The following RIN3 variants were observed in gnomAD, a reference collection of about 807,000 sequenced individuals.
RIN3 encodes the protein Ras and Rab interactor 3.
In RIN3, 54 loss-of-function variants were observed where a neutral mutation model predicts 76.3. That is an observed-to-expected ratio of 0.71 (90% CI 0.57 to 0.89). The LOEUF is 0.89. Among genes scored for constraint, RIN3 ranks in the 40% least tolerant of loss-of-function variants. The pLI is 0.00. For missense variants in RIN3, 1,256 were observed against 1,322.1 expected, an observed-to-expected ratio of 0.95 and a Z score of 0.78; for synonymous variants, 576 against 564.0, an observed-to-expected ratio of 1.02 and a Z score of -0.30.
At chr14:92,599,717 G>A (rs755502344) in intron 3 of RIN3, among the ~76,000 whole-genome samples, 4 of 152,142 alleles carry the variant, frequency 2.6e-5, no homozygotes, top group Non-Finnish European at 4.4e-5. Flanking sequence ...GGCAGCTGGA[G>A]CGGTGAGATG....
intron 6 of RIN3, among the ~76,000 whole-genome samples, chr14:92,655,962 A>T (rs2140146982): frequency 6.6e-6 from 1 of 152,286 alleles, no homozygotes; most frequent in South Asian, 2.1e-4. Context: ...TCTGGGGCTA[A>T]AGAGAGATGT....
At chr14:92,515,526 T>C (rs1896417301) in intron 1 of RIN3, 1 of 464,030 alleles carries the variant, frequency 2.2e-6, no homozygotes, top group African/African-American at 2.0e-5. Flanking sequence ...CCCTTAGAGT[T>C]GTTTTGAGGA....
chr14:92,663,537 C>T (rs1408416394), intron 7 of RIN3, among the ~76,000 whole-genome samples: 1 of 152,150 alleles, frequency 6.6e-6, no homozygotes, highest in Non-Finnish European at 1.5e-5. Context: ...CCCCAGAAAC[C>T]AGTGGGTTTC....
At chr14:92,613,047 T>A (rs549699028) in intron 3 of RIN3, among the ~76,000 whole-genome samples, 22 of 152,358 alleles carry the variant, frequency 1.4e-4, no homozygotes, top group African/African-American at 4.3e-4. Context: ...CGTGCCTCAA[T>A]GGGAAGGAAA....
chr14:92,589,528 G>A (rs1367482239), intron 3 of RIN3, among the ~76,000 whole-genome samples: 3 of 152,070 alleles, frequency 2.0e-5, no homozygotes, highest in Non-Finnish European at 4.4e-5. Flanking sequence ...TGAGAGGGTG[G>A]GCTTTGGAAC....
intron 3 of RIN3, among the ~76,000 whole-genome samples, chr14:92,586,266 T>G (rs931485751): frequency 1.3e-5 from 2 of 152,230 alleles, no homozygotes. Flanking sequence ...TACTAGCAGC[T>G]ATAATTAGCT....
intron 4 of RIN3, among the ~76,000 whole-genome samples, chr14:92,631,712 C>T (rs1044322852): frequency 1.3e-5 from 2 of 152,008 alleles, no homozygotes; most frequent in Non-Finnish European, 2.9e-5. Flanking sequence ...GCGATTCTCC[C>T]GCCTCAGCCT....
At chr14:92,686,309 C>T (rs1888856283) in intron 9 of RIN3, 1 of 152,290 alleles carries the variant, frequency 6.6e-6, no homozygotes, top group Non-Finnish European at 1.5e-5. Context: ...CCTGCCCACA[C>T]AGGCTGACTA....
At chr14:92,674,889 CAA>C (rs34494858) in intron 7 of RIN3, among the ~76,000 whole-genome samples, 20 of 118,490 alleles carry the variant, frequency 1.7e-4, no homozygotes, top group East Asian at 7.5e-4. Context: ...AACTCTGTCT[CAA>C]AAAAAAAAAA....
chr14:92,686,473 C>T (rs1365363783), intron 9 of RIN3: 1 of 152,268 alleles, frequency 6.6e-6, no homozygotes, highest in African/African-American at 2.4e-5. Flanking sequence ...GTCGGCTCTC[C>T]CTGGCGGGTG....
chr14:92,650,263 G>A (rs768428471), intron 5 of RIN3, among the ~76,000 whole-genome samples: 2 of 152,170 alleles, frequency 1.3e-5, no homozygotes, highest in Non-Finnish European at 2.9e-5. Flanking sequence ...GAACCAGCCC[G>A]ACCTGGTCAA....
rs762605015 is a variant in RIN3, at chr14:92,652,451, C to T, written c.1402C>T (p.Arg468Ter). ...VPPPRKKRIS[R>*]QLASTLPAPL... ...GCCCCCCAGGAAAAAACGGATCTCTCGACAACTGGCCTCGACCCTCCCAGC... is the reference window on the plus strand; with the variant it reads ...GCCCCCCAGGAAAAAACGGATCTCTTGACAACTGGCCTCGACCCTCCCAGC... The change falls in exon 6 of 10, where the codon CGA (arginine) becomes TGA (stop). Residue 468 changes from arginine to a stop codon, truncating the protein, a stop_gained. Coordinates refer to ENST00000216487, the MANE Select transcript of RIN3 (RefSeq NM_024832.5). LOFTEE classifies it high-confidence loss of function. The surrounding 1 kb of genome is among the most constrained non-coding windows in gnomAD (Gnocchi z 6.4). 3 of 1,613,964 alleles carry T rather than the reference C, an allele frequency of 1.9e-6. No homozygotes were observed. Among genetic ancestry groups the T allele is most frequent in the Admixed American group, 3.3e-5 (2 of 60,000 alleles).
chr14:92,578,562 A>C (rs1898331826), intron 3 of RIN3, among the ~76,000 whole-genome samples: 2 of 152,326 alleles, frequency 1.3e-5, no homozygotes, highest in Non-Finnish European at 2.9e-5. Context: ...CAGGAGATGG[A>C]GTTTTATTAT....
intron 2 of RIN3, among the ~76,000 whole-genome samples, chr14:92,575,645 G>A (rs143219057): frequency 0.024 from 3,720 of 151,996 alleles, 180 homozygotes; most frequent in African/African-American, 0.084. Flanking sequence ...CTGTCATGGC[G>A]CTGGTGGGAG....
At chr14:92,683,177 A>G (rs79635465) in intron 8 of RIN3, among the ~76,000 whole-genome samples, 1 of 151,560 alleles carries the variant, frequency 6.6e-6, no homozygotes, top group Non-Finnish European at 1.5e-5. Flanking sequence ...AAAAAAAAAA[A>G]GAAGAAAAAA....
In RIN3 at chr14:92,641,400, G is replaced by A. The variant is rs543605106; in HGVS notation, c.532+71G>A. 51 of 1,175,612 alleles carry A rather than the reference G, an allele frequency of 4.3e-5. No individual in the cohort carries two copies. In the East Asian group the frequency reaches 6.4e-4, roughly 15 times the overall value. The allele number at this position is 1,175,612 out of a possible 1,614,324, so 72.8% of individuals were successfully genotyped here. A position where few individuals can be genotyped will look rare whatever the true frequency, so the allele number is the denominator to read the frequency against. The stretch of plus-strand genomic sequence containing the variant: ...ACTGGGGCCCTAGGACTGCCCCAGG[G>A]GCCGCCTGTGCAGAGGGACAGCCTG... On this transcript the variant is annotated intron_variant, in intron 5 of 9. Coordinates refer to ENST00000216487, the MANE Select transcript of RIN3 (RefSeq NM_024832.5).
intron 7 of RIN3, among the ~76,000 whole-genome samples, chr14:92,662,084 G>C (rs1003003598): frequency 9.2e-5 from 14 of 152,382 alleles, no homozygotes; most frequent in Middle Eastern, 3.4e-3. Flanking sequence ...AGCCCCAGAG[G>C]GCTGGGACCC....
Position 92,577,467 on chromosome 14 carries a change from A to G in RIN3, c.357A>G (p.Glu119=), listed in dbSNP as rs1474674186. 9 of 1,608,036 alleles carry G rather than the reference A, an allele frequency of 5.6e-6. No individual in the cohort carries two copies. The highest frequency in any genetic ancestry group is 6.8e-6 in the Non-Finnish European group (8 of 1,174,998). ...AGGTGCTCGAATACACCATTAAGGA[A>G]GAAAAGTCGAGTAAGTACCCATCTT... ...SAEVLEYTIK[E]EKSILYLEGS... The change falls in exon 3 of 10, where the codon GAA becomes GAG. Residue 119 remains glutamate (E), a synonymous_variant. Transcript: ENST00000216487.
intron 3 of RIN3, among the ~76,000 whole-genome samples, chr14:92,597,142 G>A (rs534331489): frequency 7.4e-5 from 11 of 147,750 alleles, no homozygotes; most frequent in African/African-American, 2.7e-4. Context: ...ATGTGTGTGT[G>A]GGTCAATAGG....
Sources: allele counts gnomAD v4.1 joint callset (sites outside exome capture counted in the v4.1 genomes callset), GRCh38; gene constraint gnomAD v4.1.1; non-coding constraint Gnocchi (gnomAD v3.1); transcripts MANE v1.5; gene names NCBI Gene and HGNC (gene_info 2026-07-23, HGNC 2026-07-21).